BAIAP2L1: variants seen among roughly 807,000 people sequenced by gnomAD.
BAIAP2L1 encodes BAR/IMD domain-containing adapter protein 2-like 1.
A neutral mutation model predicts 66.3 loss-of-function variants in BAIAP2L1; 35 were observed. The observed-to-expected ratio is 0.53, with a 90% CI of 0.40 to 0.70. The LOEUF (loss-of-function observed/expected upper bound fraction) is 0.70. Among genes scored for constraint, BAIAP2L1 ranks in the 30% least tolerant of loss-of-function variants. The pLI, the probability that BAIAP2L1 is intolerant of heterozygous loss-of-function variation, is 0.00. For missense variants in BAIAP2L1, 622 were observed against 656.9 expected (o/e 0.95, Z 0.58); for synonymous variants, 269 against 248.7 (o/e 1.08, Z -0.77).
At chr7:98,319,615 T>TGGCTCACTGCAACCTC (rs1801186272) in intron 5 of BAIAP2L1, among the ~76,000 whole-genome samples, 1 of 151,584 alleles carries the variant, frequency 6.6e-6, no homozygotes, top group African/African-American at 2.4e-5. Flanking sequence ...GGCGCAATCT[T>TGGCTCACTGCAACCTC]GGCTCACTGC....
At chr7:98,384,900 T>C (rs548572905) in intron 1 of BAIAP2L1, among the ~76,000 whole-genome samples, 4 of 152,254 alleles carry the variant, frequency 2.6e-5, no homozygotes, top group African/African-American at 9.6e-5. Context: ...GATTTTGCCA[T>C]GTTGGCCAGG....
rs1372776896 is a variant in BAIAP2L1 at position 98,305,756 on chromosome 7, C to T, written c.1241+683G>A. 2.0e-5 allele frequency among the ~76,000 whole-genome samples: 3 copies of T among 152,188 alleles called. No homozygotes were observed. The East Asian group carries it at 5.8e-4, about 29-fold the overall frequency. On this transcript the variant is annotated intron_variant, in intron 11 of 13. Coordinates refer to ENST00000005260, the MANE Select transcript of BAIAP2L1 (RefSeq NM_018842.5). ...CATTTTTTAAAGTGGGGGCCCACCT[C>T]ATGGGTCTGCTGTGAGAATTAAGTG...
chr7:98,291,981 G>A lies in BAIAP2L1; in HGVS notation c.*1540C>T, dbSNP rs1584403118. On this transcript the variant is annotated 3_prime_UTR_variant, in exon 14 of 14. Coordinates refer to ENST00000005260, the MANE Select transcript of BAIAP2L1 (RefSeq NM_018842.5). Reference sequence around the variant, plus strand: ...GGGCTTGTGTGGACTGAATTCTCATGTGGCTGCAGCCCTTTCTGTAGTACA... The same window carrying A: ...GGGCTTGTGTGGACTGAATTCTCATATGGCTGCAGCCCTTTCTGTAGTACA... The A allele has an allele frequency of 6.5e-6, 1 of 152,876 alleles. No individual in the cohort carries two copies. Among genetic ancestry groups the A allele is most frequent in the African/African-American group, 2.4e-5 (1 of 41,478 alleles). 9.5% of individuals were successfully genotyped at this position (152,876 alleles called of 1,614,324 possible). A position where few individuals can be genotyped will look rare whatever the true frequency, so the allele number is the denominator to read the frequency against.
intron 2 of BAIAP2L1, among the ~76,000 whole-genome samples, chr7:98,357,898 T>C (rs549752501): frequency 1.3e-5 from 2 of 152,298 alleles, no homozygotes; most frequent in East Asian, 3.9e-4. Flanking sequence ...CTTCACTTCC[T>C]CAGCTCTAAA....
At chr7:98,376,534 C>G (rs1372402409) in intron 1 of BAIAP2L1, among the ~76,000 whole-genome samples, 1 of 150,682 alleles carries the variant, frequency 6.6e-6, no homozygotes, top group African/African-American at 2.4e-5. Flanking sequence ...CAAAACCAAC[C>G]CATTGGCTGG....
In BAIAP2L1 at chr7:98,394,060, G is replaced by A. The variant is rs1282290752; in HGVS notation, c.51+6742C>T. ...AGATGGAGACCATCCTGGCTAACAC[G>A]GTGAAAACCCATCTCTACTAAAAAT... On this transcript the variant is annotated intron_variant, in intron 1 of 13. Transcript: ENST00000005260. Among the ~76,000 whole-genome samples, 3 of 151,876 alleles carry A rather than the reference G, an allele frequency of 2.0e-5. No individual in the cohort carries two copies. The South Asian group carries it at 6.2e-4, about 32-fold the overall frequency.
At chr7:98,342,798 C>T (rs1801775404) in intron 3 of BAIAP2L1, among the ~76,000 whole-genome samples, 1 of 152,100 alleles carries the variant, frequency 6.6e-6, no homozygotes, top group South Asian at 2.1e-4. Flanking sequence ...TTCCCCTTAC[C>T]ATTTCTGTTT....
intron 9 of BAIAP2L1, chr7:98,308,146 T>C (rs1584435706): frequency 1.6e-6 from 1 of 626,574 alleles, no homozygotes; most frequent in East Asian, 3.3e-5. Flanking sequence ...CTGCGGGCTC[T>C]TTTCCAGGCC....
At chr7:98,305,302 T>TG (rs1800612238) in intron 11 of BAIAP2L1, among the ~76,000 whole-genome samples, 1 of 147,250 alleles carries the variant, frequency 6.8e-6, no homozygotes, top group Non-Finnish European at 1.5e-5. Flanking sequence ...AAAGCTGGAG[T>TG]GAGCAATGAG....
intron 2 of BAIAP2L1, among the ~76,000 whole-genome samples, chr7:98,357,866 G>A (rs1802174418): frequency 6.6e-6 from 1 of 152,146 alleles, no homozygotes; most frequent in Non-Finnish European, 1.5e-5. Context: ...TCAGCGGGAA[G>A]GCACACAGCT....
chr7:98,392,007 CTA>C (rs1354684590), intron 1 of BAIAP2L1, among the ~76,000 whole-genome samples: 1 of 151,860 alleles, frequency 6.6e-6, no homozygotes, highest in Non-Finnish European at 1.5e-5. Flanking sequence ...CACATCCCTT[CTA>C]TGTGTTATTA....
chr7:98,397,068 A>C (rs896012084), intron 1 of BAIAP2L1, among the ~76,000 whole-genome samples: 1 of 152,120 alleles, frequency 6.6e-6, no homozygotes, highest in African/African-American at 2.4e-5. Flanking sequence ...GTGGGAAGAG[A>C]GGGAAAGAAA....
At chr7:98,335,344 C>T (rs942850119) in intron 3 of BAIAP2L1, among the ~76,000 whole-genome samples, 7 of 152,038 alleles carry the variant, frequency 4.6e-5, no homozygotes, top group Non-Finnish European at 8.8e-5. Context: ...CCCTCCACCC[C>T]CACATAGGTG....
In BAIAP2L1 at chr7:98,322,172, A is replaced by C. The variant is rs1377768092; in HGVS notation, c.215-1874T>G. ...GGAATCGGAATGAGGACTGTGGTAG[A>C]ATATGGGGAGAGAGAGAAAGCACAG... is the stretch of plus-strand genomic sequence containing the variant. On this transcript the variant is annotated intron_variant, in intron 3 of 13. Coordinates refer to ENST00000005260, the MANE Select transcript of BAIAP2L1 (RefSeq NM_018842.5). 3.3e-5 allele frequency among the ~76,000 whole-genome samples: 5 copies of C among 152,056 alleles called. No homozygotes were observed. In the East Asian group the frequency reaches 9.7e-4, roughly 29 times the overall value.
Position 98,304,349 on chromosome 7 carries a change from G to A in BAIAP2L1, c.1269C>T (p.Thr423=), listed in dbSNP as rs555687728. The A allele has an allele frequency of 5.7e-5, 92 of 1,613,480 alleles. 1 individual carries two copies. Among genetic ancestry groups the A allele is most frequent in the East Asian group, 8.9e-5 (4 of 44,844 alleles). ...PSPTPVRSIS[T]VNLSENSSVV... ...CACTGCTATTCTCAGACAAGTTCAC[G>A]GTGCTGATGCTTCTCACTGGTGTGG... The change falls in exon 12 of 14, where the codon ACC becomes ACT. Residue 423 remains threonine (T), a synonymous_variant. Coordinates refer to ENST00000005260, the MANE Select transcript of BAIAP2L1 (RefSeq NM_018842.5).
rs2116903141 is a variant in BAIAP2L1, at chr7:98,320,057, C to T, written c.348+1G>A. 2 of 1,612,256 alleles carry T rather than the reference C, an allele frequency of 1.2e-6. No individual in the cohort carries two copies. Among genetic ancestry groups the T allele is most frequent in the South Asian group, 1.1e-5 (1 of 90,662 alleles). On this transcript the variant is annotated splice_donor_variant, in intron 5 of 13. Transcript: ENST00000005260. LOFTEE classifies it high-confidence loss of function. ...GGGCTGGAGGAAAACCATGCACTTACGTTCATATATTTCACGTCAAGTTCT... is the reference window on the plus strand; with the variant it reads ...GGGCTGGAGGAAAACCATGCACTTATGTTCATATATTTCACGTCAAGTTCT...
chr7:98,369,415 G>A (rs557396232), intron 1 of BAIAP2L1, among the ~76,000 whole-genome samples: 16 of 152,136 alleles, frequency 1.1e-4, no homozygotes, highest in South Asian at 2.1e-4. Context: ...CTCAAGAGAC[G>A]GAGGTAGCAG....
chr7:98,293,417 C>A lies in BAIAP2L1; in HGVS notation c.*104G>T. The stretch of plus-strand genomic sequence containing the variant: ...TAAGCAGGCGACATTAGAGTTAGGC[C>A]TCTCCACTGAAGCTTCCCGACCGTC... On this transcript the variant is annotated 3_prime_UTR_variant, in exon 14 of 14. Transcript: ENST00000005260. The A allele has an allele frequency of 7.5e-6, 8 of 1,059,708 alleles. No homozygotes were observed. Among genetic ancestry groups the A allele is most frequent in the Non-Finnish European group, 1.2e-5 (8 of 694,458 alleles). The allele number at this position is 1,059,708 out of a possible 1,614,324, so 65.6% of individuals were successfully genotyped here. A position where few individuals can be genotyped will look rare whatever the true frequency, so the allele number is the denominator to read the frequency against.
intron 1 of BAIAP2L1, among the ~76,000 whole-genome samples, chr7:98,400,515 A>C (rs1402572276): frequency 8.5e-6 from 1 of 117,640 alleles, no homozygotes; most frequent in Non-Finnish European, 1.8e-5. Flanking sequence ...GGAGAGGTAC[A>C]GCGGGGCGGG....
Sources: allele counts gnomAD v4.1 joint callset (sites outside exome capture counted in the v4.1 genomes callset), GRCh38; gene constraint gnomAD v4.1.1; transcripts MANE v1.5; gene names NCBI Gene and HGNC (gene_info 2026-07-23, HGNC 2026-07-21).